The following PCDHGA1 variants were observed in gnomAD, a reference collection of about 807,000 sequenced individuals.
The protein encoded by PCDHGA1 is protocadherin gamma subfamily A, 1, also known as protocadherin gamma-A1.
In PCDHGA1, 32 loss-of-function variants were observed where a neutral mutation model predicts 58.0. The observed-to-expected ratio is 0.55, with a 90% confidence interval of 0.42 to 0.74. The LOEUF (loss-of-function observed/expected upper bound fraction) is 0.74. Ranked by LOEUF, PCDHGA1 falls within the 30% of genes least tolerant of loss-of-function variation. The pLI is 0.00. For missense variants in PCDHGA1, 1,205 were observed against 1,182.3 expected (o/e 1.02, Z -0.28); for synonymous variants, 498 against 501.1 (o/e 0.99, Z 0.08).
At chr5:141,415,056 G>C in intron 1 of PCDHGA1, 2 of 1,613,416 alleles carry the variant, frequency 1.2e-6, no homozygotes, top group Non-Finnish European at 1.7e-6. Flanking sequence ...GGGAGCACAC[G>C]GGCGAGGTGC....
chr5:141,347,245 G>A (rs541752483), intron 1 of PCDHGA1, among the ~76,000 whole-genome samples: 3 of 150,602 alleles, frequency 2.0e-5, no homozygotes, highest in Admixed American at 1.3e-4. Context: ...CCTTGACCTC[G>A]CAGACTCAAG....
At chr5:141,408,697 C>T (rs58047392) in intron 1 of PCDHGA1, 227,396 of 1,612,898 alleles carry the variant, frequency 0.14, 18,149 homozygotes, top group African/African-American at 0.31. Context: ...TAAACATAAA[C>T]TCAATTAAAG....
rs70988800 is a variant in PCDHGA1 at position 141,379,889 on chromosome 5, C to CTTTTTTTTTT, written c.2421+46805_2421+46814dup. Among the ~76,000 whole-genome samples, 163 of 50,832 alleles carry CTTTTTTTTTT rather than the reference C, an allele frequency of 3.2e-3. 26 individuals carry two copies. The highest frequency in any genetic ancestry group is 6.0e-3 in the African/African-American group (90 of 15,084). The allele number at this position is 50,832 out of a possible 152,430, so 33.3% of individuals were successfully genotyped here. On this transcript the variant is annotated intron_variant, in intron 1 of 3. Transcript: ENST00000517417. ...CTTATTTTATGGTCTGTGAAAGCCTCTTTTTTTTTTTTTTTTTTTTTTTTT... is the reference window on the plus strand; with the variant it reads ...CTTATTTTATGGTCTGTGAAAGCCTCTTTTTTTTTTTTTTTTTTTTTTTTTTTTTTTTTTT...
intron 1 of PCDHGA1, chr5:141,340,365 A>G: frequency 4.3e-6 from 7 of 1,613,566 alleles, no homozygotes; most frequent in Non-Finnish European, 5.9e-6. Context: ...CCCGAAAACA[A>G]CCCCAGAGGA....
intron 1 of PCDHGA1, chr5:141,383,327 T>G (rs576010988): frequency 1.2e-6 from 2 of 1,613,978 alleles, no homozygotes; most frequent in South Asian, 2.2e-5. Context: ...GTAAAAATAA[T>G]GGAGAATACA....
chr5:141,489,229 G>C lies in PCDHGA1; in HGVS notation c.2422-5578G>C. The C allele has an allele frequency of 6.6e-7, 1 of 1,522,252 alleles. No homozygotes were observed. Among genetic ancestry groups the C allele is most frequent in the Non-Finnish European group, 8.8e-7 (1 of 1,133,810 alleles). The allele number at this position is 1,522,252 out of a possible 1,614,324, so 94.3% of individuals were successfully genotyped here. On this transcript the variant is annotated intron_variant, in intron 1 of 3. Coordinates refer to ENST00000517417, the MANE Select transcript of PCDHGA1 (RefSeq NM_018912.3). This position sits in a 1 kb window ranked among gnomAD's most constrained non-coding sequence, Gnocchi z 4.5. ...AGCACAGACTTACTCTCCACAAAGG[G>C]ACTTCTGGGTCATGGGGCCCAAGAC...
At chr5:141,365,414 C>G (rs568315403) in intron 1 of PCDHGA1, 2 of 1,613,988 alleles carry the variant, frequency 1.2e-6, no homozygotes, top group East Asian at 2.2e-5. Flanking sequence ...AGACTGTCTT[C>G]CCGGAACTGT....
intron 1 of PCDHGA1, chr5:141,414,597 C>G: frequency 6.2e-7 from 1 of 1,613,972 alleles, no homozygotes; most frequent in South Asian, 1.1e-5. Context: ...GGGGTGCCTC[C>G]ATCTTCTCAG....
intron 1 of PCDHGA1, chr5:141,419,960 G>A (rs773071584): frequency 5.0e-6 from 8 of 1,613,960 alleles, no homozygotes; most frequent in South Asian, 4.4e-5. Context: ...CTTGATTTCT[G>A]TGCTCTTTCT....
intron 1 of PCDHGA1, among the ~76,000 whole-genome samples, chr5:141,437,145 T>C (rs191316470): frequency 3.9e-5 from 6 of 152,364 alleles, no homozygotes; most frequent in Admixed American, 3.9e-4. Flanking sequence ...GGATTCATAA[T>C]TAACATATGT....
At chr5:141,362,049 C>G (rs1588571121) in intron 1 of PCDHGA1, 5 of 1,611,332 alleles carry the variant, frequency 3.1e-6, no homozygotes, top group Non-Finnish European at 4.2e-6. Context: ...GGGACGCGGC[C>G]CGCCAGCGCC....
chr5:141,451,806 A>G (rs145650418), intron 1 of PCDHGA1, among the ~76,000 whole-genome samples: 6,855 of 150,824 alleles, frequency 0.045, 259 homozygotes, highest in African/African-American at 0.1. Context: ...GCTTGAACCC[A>G]GGAGGCGGAG....
In PCDHGA1 at chr5:141,405,165, C is replaced by G. The variant is rs745998723; in HGVS notation, c.2421+72060C>G. 1.9e-6 allele frequency: 3 copies of G among 1,613,978 alleles called. No individual in the cohort carries two copies. In the South Asian group the frequency reaches 3.3e-5, roughly 18 times the overall value. On this transcript the variant is annotated intron_variant, in intron 1 of 3. Transcript: ENST00000517417. Reference sequence around the variant, plus strand: ...GATGGGTTGGCTGGTGTGCCCACCTCACACTTTGTGGGTGTAGATGGGGTT... The same window carrying G: ...GATGGGTTGGCTGGTGTGCCCACCTGACACTTTGTGGGTGTAGATGGGGTT...
At chr5:141,500,809 A>G (rs1018522111) in intron 2 of PCDHGA1, among the ~76,000 whole-genome samples, 1 of 152,324 alleles carries the variant, frequency 6.6e-6, no homozygotes, top group African/African-American at 2.4e-5. Context: ...CCTCATATGA[A>G]TATACATATT....
chr5:141,364,417 G>A, intron 1 of PCDHGA1: 1 of 1,613,362 alleles, frequency 6.2e-7, no homozygotes. Context: ...CAGGATCCGG[G>A]CAGATCCGCT....
intron 1 of PCDHGA1, chr5:141,414,677 A>AG: frequency 1.9e-6 from 3 of 1,613,794 alleles, no homozygotes; most frequent in South Asian, 2.2e-5. Flanking sequence ...GACACCATCC[A>AG]GGGGGTACCT....
At chr5:141,405,169 CTT>C (rs1561698717) in intron 1 of PCDHGA1, 2 of 1,614,122 alleles carry the variant, frequency 1.2e-6, no homozygotes, top group Non-Finnish European at 1.7e-6. Flanking sequence ...CCACCTCACA[CTT>C]TGTGGGTGTA....
chr5:141,364,406 C>A, intron 1 of PCDHGA1: 1 of 1,609,568 alleles, frequency 6.2e-7, no homozygotes, highest in East Asian at 2.2e-5. Context: ...GCTGTGCGAG[C>A]CAGGATCCGG....
intron 1 of PCDHGA1, chr5:141,409,789 G>T: frequency 6.2e-7 from 1 of 1,612,036 alleles, no homozygotes; most frequent in Non-Finnish European, 8.5e-7. Context: ...GCGCCTTCGC[G>T]CTCACGCTGC....
Sources: allele counts gnomAD v4.1 joint callset (sites outside exome capture counted in the v4.1 genomes callset), GRCh38; gene constraint gnomAD v4.1.1; non-coding constraint Gnocchi (gnomAD v3.1); transcripts MANE v1.5; gene names NCBI Gene and HGNC (gene_info 2026-07-23, HGNC 2026-07-21).